SLC2A13: variants seen among roughly 807,000 people sequenced by gnomAD.
SLC2A13 encodes proton myo-inositol cotransporter.
A neutral mutation model predicts 64.4 loss-of-function variants in SLC2A13; 32 were observed. The ratio of observed to expected loss-of-function variants is 0.50; its 90% CI spans 0.37 to 0.67. The LOEUF (loss-of-function observed/expected upper bound fraction) is 0.67. Ranked by LOEUF, SLC2A13 falls within the 30% of genes least tolerant of loss-of-function variation. The pLI is 0.00. For missense variants in SLC2A13, 743 were observed against 829.2 expected (o/e 0.90, Z 1.28); for synonymous variants, 338 against 327.1 (o/e 1.03, Z -0.36).
At chr12:40,048,003 C>A in intron 2 of SLC2A13, 48 bp downstream of exon 2, 2 of 1,523,030 alleles carry the variant, frequency 1.3e-6, no homozygotes, top group Non-Finnish European at 1.8e-6. Context: ...TTCTCCCCTT[C>A]CCCAAAATCA....
In SLC2A13 at chr12:39,837,182, G is replaced by A. The variant is rs1295088474; in HGVS notation, c.1320-6954C>T. On this transcript the variant is annotated intron_variant, in intron 6 of 9. Transcript: ENST00000280871. Reference sequence around the variant, plus strand: ...ACAGAACAGAGCCCTCAGAAATAATGCCACATACCTACAACTATCTGATCT... The same window carrying A: ...ACAGAACAGAGCCCTCAGAAATAATACCACATACCTACAACTATCTGATCT... Among the ~76,000 whole-genome samples, 3 of 146,928 alleles carry A rather than the reference G, an allele frequency of 2.0e-5. No individual in the cohort carries two copies. In the East Asian group the frequency reaches 6.0e-4, roughly 29 times the overall value.
At position 39,914,684 on chromosome 12, in the gene SLC2A13, G is replaced by C. The variant is rs568619521; in HGVS notation, c.1034+36573C>G. On this transcript the variant is annotated intron_variant, in intron 4 of 9. Coordinates refer to ENST00000280871, the MANE Select transcript of SLC2A13 (RefSeq NM_052885.4). ...CAACCTAATATATATACATACTCAT[G>C]ATATGATACATTTGGTATATCAAAC... Among the ~76,000 whole-genome samples the C allele has an allele frequency of 3.3e-5, 5 of 151,926 alleles. No homozygotes were observed. In the South Asian group the frequency reaches 1.0e-3, roughly 32 times the overall value.
intron 7 of SLC2A13, among the ~76,000 whole-genome samples, chr12:39,772,637 G>A (rs1490557870): frequency 6.6e-6 from 1 of 152,116 alleles, no homozygotes; most frequent in Non-Finnish European, 1.5e-5. Flanking sequence ...AAAAAGAAAG[G>A]CAGGCAGGTA....
intron 2 of SLC2A13, among the ~76,000 whole-genome samples, chr12:40,045,021 C>T (rs986794684): frequency 2.6e-5 from 4 of 152,096 alleles, no homozygotes; most frequent in Non-Finnish European, 4.4e-5. Context: ...TTTTAATCTG[C>T]AAAATGAGAA....
chr12:39,900,762 C>T (rs200969572), intron 4 of SLC2A13, among the ~76,000 whole-genome samples: 4 of 152,064 alleles, frequency 2.6e-5, no homozygotes, highest in African/African-American at 9.7e-5. Context: ...GGCCATACTG[C>T]CCAAGGTAAT....
chr12:39,842,541 C>A (rs1943203255), intron 6 of SLC2A13, among the ~76,000 whole-genome samples: 1 of 152,060 alleles, frequency 6.6e-6, no homozygotes, highest in Admixed American at 6.6e-5. Flanking sequence ...AATGGTTACA[C>A]TCCCCAGTAA....
chr12:39,894,123 C>T (rs1944680869), intron 4 of SLC2A13, among the ~76,000 whole-genome samples: 1 of 152,180 alleles, frequency 6.6e-6, no homozygotes, highest in South Asian at 2.1e-4. Flanking sequence ...CCAGCATTCT[C>T]CTATAGTGCC....
At chr12:40,093,615 A>G (rs1938837346) in intron 1 of SLC2A13, among the ~76,000 whole-genome samples, 2 of 152,222 alleles carry the variant, frequency 1.3e-5, no homozygotes. Flanking sequence ...ATGATCAAGG[A>G]AGACCCCGCT....
rs1942793013 is a variant in SLC2A13 at position 39,829,419 on chromosome 12, T to TTTTTTTA, written c.1445+683_1445+684insTAAAAAA. ...TTTTTTTTTTTTTTTTTTTTTTCTT[T>TTTTTTTA]TTTTTGAGGCAGAGTCTTGCTCTGT... On this transcript the variant is annotated intron_variant, in intron 7 of 9. Coordinates refer to ENST00000280871, the MANE Select transcript of SLC2A13 (RefSeq NM_052885.4). 2 of 125,768 alleles carry TTTTTTTA rather than the reference T, an allele frequency of 1.6e-5. 1 individual carries two copies. Among genetic ancestry groups the TTTTTTTA allele is most frequent in the East Asian group, 4.5e-4 (2 of 4,412 alleles). The allele number at this position is 125,768 out of a possible 1,614,324, so 7.8% of individuals were successfully genotyped here.
chr12:40,026,807 C>T (rs780424368), intron 3 of SLC2A13, among the ~76,000 whole-genome samples: 13 of 152,104 alleles, frequency 8.5e-5, no homozygotes, highest in Non-Finnish European at 1.3e-4. Context: ...TGGCCAGGTG[C>T]GGTGGCTCAC....
At chr12:39,987,350 A>G (rs1947049184) in intron 3 of SLC2A13, among the ~76,000 whole-genome samples, 1 of 152,212 alleles carries the variant, frequency 6.6e-6, no homozygotes, top group African/African-American at 2.4e-5. Flanking sequence ...TCCCAAATTC[A>G]TATCTCCAAA....
intron 3 of SLC2A13, among the ~76,000 whole-genome samples, chr12:40,008,782 T>C (rs896169311): frequency 1.3e-5 from 2 of 152,114 alleles, no homozygotes; most frequent in African/African-American, 4.8e-5. Context: ...AATAACACTA[T>C]AACACCATGA....
At chr12:39,805,151 C>T (rs971071071) in intron 7 of SLC2A13, among the ~76,000 whole-genome samples, 2 of 149,254 alleles carry the variant, frequency 1.3e-5, no homozygotes, top group Non-Finnish European at 3.0e-5. Context: ...CCAGGCCAGG[C>T]CAGAGAGTTG....
intron 7 of SLC2A13, among the ~76,000 whole-genome samples, chr12:39,812,565 G>C (rs868802548): frequency 2.4e-4 from 37 of 151,568 alleles, no homozygotes; most frequent in African/African-American, 8.7e-4. Flanking sequence ...CTCCGCCTCT[G>C]AGATTCAAGC....
intron 4 of SLC2A13, among the ~76,000 whole-genome samples, chr12:39,937,258 C>T (rs1362659994): frequency 1.3e-5 from 2 of 152,140 alleles, no homozygotes; most frequent in Non-Finnish European, 1.5e-5. Flanking sequence ...ACAGCATATG[C>T]TTTTAAAGAT....
intron 6 of SLC2A13, among the ~76,000 whole-genome samples, chr12:39,858,572 G>GA (rs1943669557): frequency 6.6e-6 from 1 of 152,222 alleles, no homozygotes; most frequent in South Asian, 2.1e-4. Flanking sequence ...AAATACTGGG[G>GA]AAAAAAGAGG....
intron 3 of SLC2A13, among the ~76,000 whole-genome samples, chr12:39,980,422 G>A (rs1024780470): frequency 6.6e-6 from 1 of 151,390 alleles, no homozygotes; most frequent in Admixed American, 6.6e-5. Flanking sequence ...CTGTATTCAG[G>A]AAACCCATCT....
At chr12:39,856,237 G>GCATC (rs1181065538) in intron 6 of SLC2A13, among the ~76,000 whole-genome samples, 15 of 151,936 alleles carry the variant, frequency 9.9e-5, no homozygotes, top group South Asian at 2.1e-4. Flanking sequence ...ATCTATCCAT[G>GCATC]CATCCATCCA....
intron 3 of SLC2A13, among the ~76,000 whole-genome samples, chr12:40,024,849 T>C (rs1947778316): frequency 6.6e-6 from 1 of 152,234 alleles, no homozygotes; most frequent in East Asian, 1.9e-4. Flanking sequence ...TGGTTTTCTT[T>C]TCTTACAAAC....
Sources: allele counts gnomAD v4.1 joint callset (sites outside exome capture counted in the v4.1 genomes callset), GRCh38; gene constraint gnomAD v4.1.1; transcripts MANE v1.5; gene names NCBI Gene and HGNC (gene_info 2026-07-23, HGNC 2026-07-21).